Variants in FHIT observed in about 807,000 individuals in gnomAD.
The protein encoded by FHIT is bis(5'-adenosyl)-triphosphatase.
A neutral mutation model predicts 17.9 loss-of-function variants in FHIT; 19 were observed. The observed-to-expected ratio is 1.06, with a 90% CI of 0.74 to 1.56. The LOEUF is 1.56. Ranked by LOEUF, FHIT falls within the 40% of genes most tolerant of loss-of-function variation. The probability of loss-of-function intolerance (pLI) is 0.00; values close to 1 mark genes in which losing one functional copy is unlikely to be tolerated. For synonymous variants in FHIT, 81 were observed against 69.7 expected, an observed-to-expected ratio of 1.16 and a Z score of -0.81; for missense variants, 248 against 189.2, an observed-to-expected ratio of 1.31 and a Z score of -1.82.
intron 5 of FHIT, among the ~76,000 whole-genome samples, chr3:60,139,968 A>G (rs1699969705): frequency 6.6e-6 from 1 of 152,020 alleles, no homozygotes; most frequent in African/African-American, 2.4e-5. Context: ...CTAAAAATAC[A>G]AAAATTAGCC....
intron 3 of FHIT, among the ~76,000 whole-genome samples, chr3:60,851,191 T>C (rs150197713): frequency 1.3e-4 from 20 of 152,250 alleles, no homozygotes; most frequent in South Asian, 4.1e-4. Context: ...AAATTGAAGA[T>C]AGTTTTTAAG....
intron 7 of FHIT, among the ~76,000 whole-genome samples, chr3:59,976,090 G>T (rs182090099): frequency 3.7e-4 from 57 of 152,146 alleles, no homozygotes; most frequent in Admixed American, 9.8e-4. Flanking sequence ...GCAAAATGAG[G>T]AAACTAACTG....
intron 5 of FHIT, among the ~76,000 whole-genome samples, chr3:60,395,828 G>C (rs142187406): frequency 2.8e-4 from 43 of 152,282 alleles, no homozygotes; most frequent in African/African-American, 9.9e-4. Flanking sequence ...ATTTACAATA[G>C]AATTTTGCAA....
At chr3:60,241,317 G>T (rs1445463271) in intron 5 of FHIT, among the ~76,000 whole-genome samples, 1 of 152,032 alleles carries the variant, frequency 6.6e-6, no homozygotes, top group African/African-American at 2.4e-5. Context: ...AATAAGATTG[G>T]ATGTACAGAC....
At chr3:60,646,272 A>C (rs2039854287) in intron 4 of FHIT, among the ~76,000 whole-genome samples, 1 of 152,178 alleles carries the variant, frequency 6.6e-6, no homozygotes, top group Non-Finnish European at 1.5e-5. Flanking sequence ...AGAATGTAAA[A>C]AATTACTTAT....
At chr3:60,037,624 C>A (rs532739591) in intron 5 of FHIT, among the ~76,000 whole-genome samples, 2 of 151,802 alleles carry the variant, frequency 1.3e-5, no homozygotes, top group African/African-American at 4.8e-5. Flanking sequence ...TCAGGTGATC[C>A]GCCCGACTTG....
intron 5 of FHIT, chr3:60,536,247 G>A (rs2035976353): frequency 6.6e-6 from 1 of 152,048 alleles, no homozygotes; most frequent in Non-Finnish European, 1.5e-5. Context: ...AGTGGTCAGA[G>A]GGAAATAAAA....
chr3:60,063,444 G>C (rs1702373959), intron 5 of FHIT, among the ~76,000 whole-genome samples: 2 of 152,188 alleles, frequency 1.3e-5, no homozygotes, highest in Admixed American at 1.3e-4. Context: ...GAGGAAGCCA[G>C]AACACTGACT....
intron 5 of FHIT, among the ~76,000 whole-genome samples, chr3:60,471,008 T>A (rs2033062521): frequency 6.6e-6 from 1 of 152,222 alleles, no homozygotes; most frequent in Non-Finnish European, 1.5e-5. Context: ...TTAGAAACGC[T>A]GTCTGGAAGC....
chr3:61,240,556 T>C (rs1262160517), intron 1 of FHIT, among the ~76,000 whole-genome samples: 2 of 152,182 alleles, frequency 1.3e-5, no homozygotes, highest in African/African-American at 4.8e-5. Context: ...TAGAACTCCT[T>C]CAATCTGCTG....
intron 4 of FHIT, among the ~76,000 whole-genome samples, chr3:60,634,153 G>T (rs918539655): frequency 6.6e-6 from 1 of 152,078 alleles, no homozygotes; most frequent in Non-Finnish European, 1.5e-5. Context: ...CTGTAAAATG[G>T]GTGAAAGCCA....
At chr3:60,975,797 A>G (rs1463324209) in intron 3 of FHIT, among the ~76,000 whole-genome samples, 3 of 152,230 alleles carry the variant, frequency 2.0e-5, no homozygotes, top group African/African-American at 7.2e-5. Context: ...TAATTTCACT[A>G]AAAGCAATCC....
At chr3:61,001,509 T>C (rs1288489381) in intron 3 of FHIT, among the ~76,000 whole-genome samples, 1 of 152,190 alleles carries the variant, frequency 6.6e-6, no homozygotes, top group Non-Finnish European at 1.5e-5. Flanking sequence ...CACACCTGGA[T>C]GAATATCAAG....
rs142301732 is a variant in FHIT, at chr3:60,921,447, G to A, written c.-110-99436C>T. 7.4e-3 allele frequency among the ~76,000 whole-genome samples: 1,125 copies of A among 152,220 alleles called. 8 individuals are homozygous for A. The highest frequency in any genetic ancestry group is 0.011 in the Non-Finnish European group (738 of 68,014). On this transcript the variant is annotated intron_variant, in intron 3 of 9. Transcript: ENST00000492590. Reference sequence around the variant, plus strand: ...CAGTGCCTTCACTTAAGGAGGGTTCGAATGGCAATAAAATACTTTTAATTA... The same window carrying A: ...CAGTGCCTTCACTTAAGGAGGGTTCAAATGGCAATAAAATACTTTTAATTA...
rs575682068 is a variant in FHIT at position 60,032,250 on chromosome 3, A to G, written c.104-18098T>C. On this transcript the variant is annotated intron_variant, in intron 5 of 9. Transcript: ENST00000492590. Reference sequence around the variant, plus strand: ...TTGGGTGGGAGGGTTGCTCGAGGCTAGGAGTTTCAATCCAGCCTGGGCAAA... The same window carrying G: ...TTGGGTGGGAGGGTTGCTCGAGGCTGGGAGTTTCAATCCAGCCTGGGCAAA... 9.7e-4 allele frequency among the ~76,000 whole-genome samples: 148 copies of G among 152,194 alleles called. 1 individual carries two copies. Among genetic ancestry groups the G allele is most frequent in the Non-Finnish European group, 1.8e-3 (125 of 68,008 alleles).
chr3:60,556,872 GCT>G (rs1159183285), intron 4 of FHIT, among the ~76,000 whole-genome samples: 1 of 152,190 alleles, frequency 6.6e-6, no homozygotes, highest in Admixed American at 6.5e-5. Flanking sequence ...GGCAAAGGAT[GCT>G]CTCTTTTTTT....
intron 5 of FHIT, among the ~76,000 whole-genome samples, chr3:60,501,549 G>A (rs569214211): frequency 1.3e-5 from 2 of 152,256 alleles, no homozygotes; most frequent in East Asian, 3.9e-4. Flanking sequence ...ACAATTATTT[G>A]GGAGTGGCTG....
intron 5 of FHIT, among the ~76,000 whole-genome samples, chr3:60,297,471 C>G (rs1432556418): frequency 6.6e-6 from 1 of 151,872 alleles, no homozygotes; most frequent in Non-Finnish European, 1.5e-5. Context: ...TTTCTATATG[C>G]TGGTCTAATA....
chr3:60,605,037 T>A (rs1004765768), intron 4 of FHIT, among the ~76,000 whole-genome samples: 2 of 152,224 alleles, frequency 1.3e-5, no homozygotes, highest in South Asian at 4.1e-4. Flanking sequence ...TTTTTTAAAA[T>A]TAGGATTTCT....
Sources: allele counts gnomAD v4.1 joint callset (sites outside exome capture counted in the v4.1 genomes callset), GRCh38; gene constraint gnomAD v4.1.1; transcripts MANE v1.5; gene names NCBI Gene and HGNC (gene_info 2026-07-23, HGNC 2026-07-21).